Variants in LRRC31 observed in about 807,000 individuals in gnomAD.
The protein encoded by LRRC31 is leucine-rich repeat-containing protein 31.
A neutral mutation model predicts 46.7 loss-of-function variants in LRRC31; 35 were observed. The observed-to-expected ratio is 0.75, with a 90% confidence interval of 0.57 to 0.99. The LOEUF (loss-of-function observed/expected upper bound fraction) is 0.99. Among genes scored for constraint, LRRC31 ranks in the 50% least tolerant of loss-of-function variants. The pLI, the probability that LRRC31 is intolerant of heterozygous loss-of-function variation, is 0.00. For synonymous variants in LRRC31, 236 were observed against 235.1 expected (o/e 1.00, Z -0.03); for missense variants, 613 against 626.1 (o/e 0.98, Z 0.22).
intron 3 of LRRC31, among the ~76,000 whole-genome samples, chr3:169,857,363 CACACACAA>C (rs1368634100): frequency 7.3e-5 from 9 of 123,212 alleles, no homozygotes; most frequent in African/African-American, 1.8e-4. Context: ...CACACACACA[CACACACAA>C]GTATATATAT....
intron 3 of LRRC31, among the ~76,000 whole-genome samples, chr3:169,858,618 T>C (rs1323653287): frequency 1.3e-5 from 2 of 152,180 alleles, no homozygotes; most frequent in Non-Finnish European, 2.9e-5. Flanking sequence ...TTGCAACAAT[T>C]TTTTGAGAGG....
intron 3 of LRRC31, among the ~76,000 whole-genome samples, chr3:169,857,198 T>C (rs1478006663): frequency 6.6e-6 from 1 of 151,194 alleles, no homozygotes; most frequent in East Asian, 2.0e-4. Flanking sequence ...TGCTTTCCCT[T>C]AGCCCCTCTC....
At chr3:169,855,141 G>A (rs773026293) in intron 5 of LRRC31, among the ~76,000 whole-genome samples, 161 bp from the exon 6 acceptor site, 9 of 152,052 alleles carry the variant, frequency 5.9e-5, no homozygotes, top group African/African-American at 7.2e-5. Context: ...AAGAAAAACC[G>A]GGCTGGGCGT....
chr3:169,851,469 GA>G (rs1159543852), intron 7 of LRRC31, 149 bp downstream of exon 7: 8 of 682,666 alleles, frequency 1.2e-5, no homozygotes, highest in Non-Finnish European at 1.7e-5. Context: ...TGGACTTTCA[GA>G]AGGTCACTTT....
chr3:169,865,383 G>A (rs980425378), intron 1 of LRRC31, among the ~76,000 whole-genome samples: 1 of 152,308 alleles, frequency 6.6e-6, no homozygotes, highest in Non-Finnish European at 1.5e-5. Flanking sequence ...CCCATGGGGG[G>A]CGCATTAGTA....
At chr3:169,855,089 G>A (rs764502584) in intron 5 of LRRC31, 109 bp from the exon 6 acceptor site, 65 of 924,466 alleles carry the variant, frequency 7.0e-5, no homozygotes, top group Admixed American at 2.2e-4. Flanking sequence ...CCCGGAGTTC[G>A]AGTCCAGCTT....
chr3:169,864,016 GTGTGTGTGTGTGT>G (rs150789509), intron 1 of LRRC31, among the ~76,000 whole-genome samples: 3,691 of 152,080 alleles, frequency 0.024, 141 homozygotes, highest in African/African-American at 0.085. Context: ...GTGTGTGTGT[GTGTGTGTGTGTGT>G]TATTTTTGTA....
At chr3:169,850,075 G>C (rs576516764) in intron 7 of LRRC31, among the ~76,000 whole-genome samples, 1 of 152,174 alleles carries the variant, frequency 6.6e-6, no homozygotes, top group East Asian at 1.9e-4. Context: ...CCTCTCACCA[G>C]TGTTTTTTAT....
chr3:169,847,741 G>A (rs890143475), intron 8 of LRRC31, among the ~76,000 whole-genome samples: 7 of 152,144 alleles, frequency 4.6e-5, no homozygotes, highest in Admixed American at 3.9e-4. Context: ...TTAAATAAAA[G>A]CATTTAAATT....
At chr3:169,861,579 G>T in intron 2 of LRRC31, 91 bp downstream of exon 2, 9 of 1,353,962 alleles carry the variant, frequency 6.6e-6, no homozygotes, top group Non-Finnish European at 9.1e-6. Context: ...GCAGACTTGG[G>T]GTTACTAGGT....
At position 169,860,585 on chromosome 3, in the gene LRRC31, T is replaced by G; in HGVS notation, c.463A>C (p.Thr155Pro). Residue 155 changes from threonine to proline, a missense_variant, in exon 3 of 9, where the codon ACC becomes CCC. Physicochemically the swap from Thr to Pro is conservative, Grantham distance 38. Coordinates refer to ENST00000316428, the MANE Select transcript of LRRC31 (RefSeq NM_024727.4). ...KILRLGSCRL[T>P]TDDVQALGEA... ...CCCAGTGCTTGAACATCGTCAGTGG[T>G]GAGTCTGCAGCTACCCAGCCTCAAG... 6.2e-7 allele frequency: 1 copy of G among 1,614,116 alleles called. No individual in the cohort carries two copies. Among genetic ancestry groups the G allele is most frequent in the Non-Finnish European group, 8.5e-7 (1 of 1,179,996 alleles).
chr3:169,856,864 A>T lies in LRRC31; in HGVS notation c.496T>A (p.Phe166Ile). 6.2e-7 allele frequency: 1 copy of T among 1,605,042 alleles called. No individual in the cohort carries two copies. Residue 166 changes from phenylalanine to isoleucine, a missense_variant, in exon 4 of 9, where the codon TTT becomes ATT. Transcript: ENST00000316428. The part of the protein sequence containing the change: ...TDDVQALGEA[F>I]EMIPELEELN... ...TCTTCAAGTTCAGGAATCATCTCAAATGCTTCTCCTGTTAACAAATGGCCC... is the reference window on the plus strand; with the variant it reads ...TCTTCAAGTTCAGGAATCATCTCAATTGCTTCTCCTGTTAACAAATGGCCC...
intron 8 of LRRC31, among the ~76,000 whole-genome samples, chr3:169,844,944 AAAAAC>A (rs1238264927): frequency 5.3e-5 from 8 of 151,322 alleles, no homozygotes; most frequent in African/African-American, 1.7e-4. Context: ...AAAAAAAAAA[AAAAAC>A]AAAACAAAAC....
At position 169,839,695 on chromosome 3, in the gene LRRC31, T is replaced by G. The variant is rs1334593715; in HGVS notation, c.*287A>C. The stretch of plus-strand genomic sequence containing the variant: ...AATTATATATCCAAAACAAATCCAT[T>G]GAAAAATGCCATTTTTGTTTCATAG... On this transcript the variant is annotated 3_prime_UTR_variant, in exon 9 of 9. Coordinates refer to ENST00000316428, the MANE Select transcript of LRRC31 (RefSeq NM_024727.4). 6.5e-6 allele frequency: 1 copy of G among 153,122 alleles called. No homozygotes were observed. The highest frequency in any genetic ancestry group is 1.4e-5 in the Non-Finnish European group (1 of 69,436). 9.5% of individuals were successfully genotyped at this position (153,122 alleles called of 1,614,324 possible).
chr3:169,853,262 T>C, intron 6 of LRRC31: 4 of 985,260 alleles, frequency 4.1e-6, no homozygotes, highest in Non-Finnish European at 4.8e-6. Context: ...TTTGGAGCAA[T>C]TTACAATGAT....
chr3:169,839,283 CA>C lies in LRRC31; in HGVS notation c.*698del, dbSNP rs1460178481. ...AATAAAAGGTTTTAATTTATTCTAA[CA>C]AGATATGTTTTTCATACTGAGTTTT... On this transcript the variant is annotated 3_prime_UTR_variant, in exon 9 of 9. Coordinates refer to ENST00000316428, the MANE Select transcript of LRRC31 (RefSeq NM_024727.4). The C allele has an allele frequency of 6.6e-6, 1 of 152,140 alleles. No individual in the cohort carries two copies. Among genetic ancestry groups the C allele is most frequent in the African/African-American group, 2.4e-5 (1 of 41,420 alleles). 9.4% of individuals were successfully genotyped at this position (152,140 alleles called of 1,614,324 possible). A position where few individuals can be genotyped will look rare whatever the true frequency, so the allele number is the denominator to read the frequency against.
At position 169,851,892 on chromosome 3, in the gene LRRC31, C is replaced by A. The variant is rs78735755; in HGVS notation, c.992-106G>T. On this transcript the variant is annotated intron_variant, in intron 6 of 8. Coordinates refer to ENST00000316428, the MANE Select transcript of LRRC31 (RefSeq NM_024727.4). ...TTAATCTGTCAGTCAATACAGCTCTCCCCACCCCGGCCCTCCCTCCTTTAT... is the reference window on the plus strand; with the variant it reads ...TTAATCTGTCAGTCAATACAGCTCTACCCACCCCGGCCCTCCCTCCTTTAT... 7.4e-3 allele frequency: 8,450 copies of A among 1,136,932 alleles called. 46 individuals carry two copies. Among genetic ancestry groups the A allele is most frequent in the Middle Eastern group, 0.016 (55 of 3,352 alleles). 70.4% of individuals were successfully genotyped at this position (1,136,932 alleles called of 1,614,324 possible).
chr3:169,851,758 A>T lies in LRRC31; in HGVS notation c.1020T>A (p.Leu340=). The T allele has an allele frequency of 6.2e-7, 1 of 1,614,186 alleles. No homozygotes were observed. The highest frequency in any genetic ancestry group is 8.5e-7 in the Non-Finnish European group (1 of 1,180,028). ...LTQVIPLLSN[L]QELDLSANKK... ...TGTTGGCTGATAAATCCAATTCTTG[A>T]AGATTTGAAAGTAAAGGAATGACCT... The change falls in exon 7 of 9, where the codon CTT becomes CTA. Residue 340 remains leucine (L), a synonymous_variant. Transcript: ENST00000316428.
chr3:169,847,988 G>A (rs1780654600), intron 8 of LRRC31, 132 bp downstream of exon 8: 1 of 781,372 alleles, frequency 1.3e-6, no homozygotes, highest in Admixed American at 2.6e-5. Context: ...GCAGATGTTG[G>A]TGAGAAGGGA....
Sources: allele counts gnomAD v4.1 joint callset (sites outside exome capture counted in the v4.1 genomes callset), GRCh38; gene constraint gnomAD v4.1.1; transcripts MANE v1.5; gene names NCBI Gene and HGNC (gene_info 2026-07-23, HGNC 2026-07-21).